DMRT3: variants seen among roughly 807,000 people sequenced by gnomAD.
DMRT3 encodes doublesex and mab-3 related transcription factor 3, also known as doublesex- and mab-3-related transcription factor 3.
In DMRT3, 29 loss-of-function variants were observed where a neutral mutation model predicts 34.9. The observed-to-expected ratio is 0.83, with a 90% CI of 0.62 to 1.13. DMRT3 has a LOEUF of 1.13. Among genes scored for constraint, DMRT3 ranks in the 50% most tolerant of loss-of-function variants. The pLI, the probability that DMRT3 is intolerant of heterozygous loss-of-function variation, is 0.00. For synonymous variants in DMRT3, 350 were observed against 286.0 expected (o/e 1.22, Z -2.26); for missense variants, 772 against 629.1 (o/e 1.23, Z -2.43).
chr9:978,447 T>A (rs1820178925), intron 1 of DMRT3, among the ~76,000 whole-genome samples: 1 of 152,226 alleles, frequency 6.6e-6, no homozygotes, highest in South Asian at 2.1e-4. Flanking sequence ...ACAGCCCACC[T>A]TCTCCCGGAA....
At position 990,414 on chromosome 9, in the gene DMRT3, G is replaced by C. The variant is rs1233617895; in HGVS notation, c.828G>C (p.Gly276=). ...VLELILKGCG[G]DLVSAVEVLL... is the part of the protein sequence containing the mutation. ...AGCTCATCCTCAAGGGCTGTGGCGG[G>C]GACCTGGTGAGCGCCGTGGAAGTCC... is the stretch of plus-strand genomic sequence containing the variant. Residue 276 remains glycine, a synonymous_variant, in exon 2 of 2, where the codon GGG becomes GGC. Transcript: ENST00000190165. 2 of 1,614,078 alleles carry C rather than the reference G, an allele frequency of 1.2e-6. No individual in the cohort carries two copies. Among genetic ancestry groups the C allele is most frequent in the South Asian group, 2.2e-5 (2 of 91,076 alleles).
chr9:978,624 C>T (rs577807233), intron 1 of DMRT3, among the ~76,000 whole-genome samples: 1 of 152,176 alleles, frequency 6.6e-6, no homozygotes. Context: ...TCCTGTGGAG[C>T]TGAGGAAGTG....
chr9:987,412 CTGTGTGTGTGTGTGTGTGTGTGTGTG>C lies in DMRT3; in HGVS notation c.455-2609_455-2584del, dbSNP rs6150885. ...CTTTTTAAGGCTGAATAATATCCCA[CTGTGTGTGTGTGTGTGTGTGTGTGTG>C]TGTGTGTGTGTGTGTGTGTACACCA... On this transcript the variant is annotated intron_variant, in intron 1 of 1. Transcript: ENST00000190165. 8.9e-3 allele frequency among the ~76,000 whole-genome samples: 1,325 copies of C among 149,616 alleles called. 15 individuals are homozygous for C. Among genetic ancestry groups the C allele is most frequent in the African/African-American group, 0.03 (1,196 of 40,524 alleles).
In DMRT3 at chr9:977,212, C is replaced by G; in HGVS notation, c.211C>G (p.Gln71Glu). 6.2e-7 allele frequency: 1 copy of G among 1,605,558 alleles called. No homozygotes were observed. Among genetic ancestry groups the G allele is most frequent in the African/African-American group, 1.3e-5 (1 of 74,350 alleles). ...CGAGCGGCAGCGGGTCATGGCTGCGCAGGTGGCGCTGCGCCGGCAGCAGGC... is the reference window on the plus strand; with the variant it reads ...CGAGCGGCAGCGGGTCATGGCTGCGGAGGTGGCGCTGCGCCGGCAGCAGGC... ...IIERQRVMAA[Q>E]VALRRQQANE... The change falls in exon 1 of 2, where the codon CAG becomes GAG. Residue 71 changes from glutamine to glutamate, a missense_variant. Physicochemically the swap from Gln to Glu is conservative, Grantham distance 29 (BLOSUM62 2). Transcript: ENST00000190165.
rs1196804898 is a variant in DMRT3, at chr9:976,907, G to A, written c.-95G>A. 5.3e-6 allele frequency: 7 copies of A among 1,311,224 alleles called. No homozygotes were observed. Among genetic ancestry groups the A allele is most frequent in the Non-Finnish European group, 6.9e-6 (7 of 1,019,392 alleles). 81.2% of individuals were successfully genotyped at this position (1,311,224 alleles called of 1,614,324 possible). Reference sequence around the variant, plus strand: ...GCGGGACCAAGGGCCGCGTCGCCCGGAGGCCGCCCCTGAGCGGGCCTCGCA... The same window carrying A: ...GCGGGACCAAGGGCCGCGTCGCCCGAAGGCCGCCCCTGAGCGGGCCTCGCA... On this transcript the variant is annotated 5_prime_UTR_variant, in exon 1 of 2. Transcript: ENST00000190165. The surrounding 1 kb of genome is among the most constrained non-coding windows in gnomAD (Gnocchi z 4.5).
At chr9:984,819 C>G (rs962039506) in intron 1 of DMRT3, among the ~76,000 whole-genome samples, 2 of 151,988 alleles carry the variant, frequency 1.3e-5, no homozygotes, top group Admixed American at 6.6e-5. Flanking sequence ...TAGACTTTCT[C>G]AAAGTATTTG....
At chr9:982,114 C>T (rs1281296139) in intron 1 of DMRT3, among the ~76,000 whole-genome samples, 1 of 152,232 alleles carries the variant, frequency 6.6e-6, no homozygotes, top group Non-Finnish European at 1.5e-5. Flanking sequence ...CTTAACTGGA[C>T]ATCCTGTTAT....
rs532543126 is a variant in DMRT3, at chr9:988,217, C to T, written c.455-1824C>T. 3.4e-4 allele frequency among the ~76,000 whole-genome samples: 51 copies of T among 152,096 alleles called. 1 individual carries two copies. In the South Asian group the frequency reaches 9.6e-3, roughly 29 times the overall value. On this transcript the variant is annotated intron_variant, in intron 1 of 1. Transcript: ENST00000190165. ...TGAAGATGGCTTCATATGTATGTGA[C>T]GCAAATGAACCTCTCATTGGAAACC...
intron 1 of DMRT3, among the ~76,000 whole-genome samples, chr9:987,442 G>C (rs1342292803): frequency 6.8e-6 from 1 of 147,068 alleles, no homozygotes; most frequent in East Asian, 1.9e-4. Context: ...GTGTGTGTGT[G>C]TGTGTGTGTG....
chr9:981,776 C>T (rs1006131418), intron 1 of DMRT3, among the ~76,000 whole-genome samples: 1 of 152,194 alleles, frequency 6.6e-6, no homozygotes, highest in African/African-American at 2.4e-5. Flanking sequence ...CGTCTCCTTG[C>T]ACCAGGGGGT....
At position 990,515 on chromosome 9, in the gene DMRT3, A is replaced by G. The variant is rs755774274; in HGVS notation, c.929A>G (p.Asn310Ser). ...AEPESLALPS[N>S]GHIFEHTLSS... ...CCTGAGAGTCTAGCGTTGCCCTCCA[A>G]TGGGCACATCTTTGAACACACCTTG... Residue 310 changes from asparagine to serine, a missense_variant, in exon 2 of 2, where the codon AAT becomes AGT. Coordinates refer to ENST00000190165, the MANE Select transcript of DMRT3 (RefSeq NM_021240.4). The G allele has an allele frequency of 1.6e-5, 26 of 1,613,920 alleles. No individual in the cohort carries two copies. In the African/African-American group the frequency reaches 2.4e-4, roughly 15 times the overall value.
Position 976,862 on chromosome 9 carries a change from CACACA to C in DMRT3, c.-139_-135del. The stretch of plus-strand genomic sequence containing the variant: ...TGCGGCACCTCCGGCCGCCCCGGAG[CACACA>C]CGACCACCGGGGCTGCGGGACCAAG... On this transcript the variant is annotated 5_prime_UTR_variant, in exon 1 of 2. Coordinates refer to ENST00000190165, the MANE Select transcript of DMRT3 (RefSeq NM_021240.4). This position sits in a 1 kb window ranked among gnomAD's most constrained non-coding sequence, Gnocchi z 4.5. 1.1e-6 allele frequency: 1 copy of C among 890,616 alleles called. No individual in the cohort carries two copies. The highest frequency in any genetic ancestry group is 1.5e-6 in the Non-Finnish European group (1 of 652,096). The allele number at this position is 890,616 out of a possible 1,614,324, so 55.2% of individuals were successfully genotyped here.
chr9:976,889 C>T lies in DMRT3; in HGVS notation c.-113C>T. 8.3e-7 allele frequency: 1 copy of T among 1,206,728 alleles called. No homozygotes were observed. Among genetic ancestry groups the T allele is most frequent in the Non-Finnish European group, 1.1e-6 (1 of 928,308 alleles). 74.8% of individuals were successfully genotyped at this position (1,206,728 alleles called of 1,614,324 possible). ...CACACGACCACCGGGGCTGCGGGACCAAGGGCCGCGTCGCCCGGAGGCCGC... is the reference window on the plus strand; with the variant it reads ...CACACGACCACCGGGGCTGCGGGACTAAGGGCCGCGTCGCCCGGAGGCCGC... On this transcript the variant is annotated 5_prime_UTR_variant, in exon 1 of 2. Coordinates refer to ENST00000190165, the MANE Select transcript of DMRT3 (RefSeq NM_021240.4). The surrounding 1 kb of genome is among the most constrained non-coding windows in gnomAD (Gnocchi z 4.5).
At chr9:979,038 CA>C (rs1236476461) in intron 1 of DMRT3, among the ~76,000 whole-genome samples, 1 of 152,060 alleles carries the variant, frequency 6.6e-6, no homozygotes, top group Non-Finnish European at 1.5e-5. Flanking sequence ...TTTCCATTTC[CA>C]GCTTCTCTGG....
At chr9:978,116 G>A (rs1449988089) in intron 1 of DMRT3, among the ~76,000 whole-genome samples, 4 of 152,222 alleles carry the variant, frequency 2.6e-5, no homozygotes, top group African/African-American at 4.8e-5. Context: ...CTTGTGAGCT[G>A]ATAGCGGGAA....
intron 1 of DMRT3, among the ~76,000 whole-genome samples, chr9:983,934 C>T (rs1290333653): frequency 2.7e-5 from 4 of 147,294 alleles, no homozygotes; most frequent in African/African-American, 1.0e-4. Context: ...TAACTTTTCA[C>T]AACCCTCCCC....
chr9:990,024 G>A lies in DMRT3; in HGVS notation c.455-17G>A. Reference sequence around the variant, plus strand: ...TGCACACCAGGAAAAGATTAACTCAGCTGTTCTGTTTTCCAGATTTGACTG... The same window carrying A: ...TGCACACCAGGAAAAGATTAACTCAACTGTTCTGTTTTCCAGATTTGACTG... On this transcript the variant is annotated splice_polypyrimidine_tract_variant and intron_variant, in intron 1 of 1. Transcript: ENST00000190165. 1 of 1,612,918 alleles carries A rather than the reference G, an allele frequency of 6.2e-7. No homozygotes were observed. Among genetic ancestry groups the A allele is most frequent in the South Asian group, 1.1e-5 (1 of 90,754 alleles).
chr9:979,841 A>C (rs75809511), intron 1 of DMRT3, among the ~76,000 whole-genome samples: 2,805 of 152,310 alleles, frequency 0.018, 59 homozygotes, highest in East Asian at 0.098. Flanking sequence ...ATAACATTCC[A>C]TATGTATTTA....
chr9:989,976 C>T (rs1285949420), intron 1 of DMRT3, 65 bp from the exon 2 acceptor site: 1 of 1,580,076 alleles, frequency 6.3e-7, no homozygotes, highest in East Asian at 2.2e-5. Flanking sequence ...CAGGTCTCTT[C>T]TGAGCACATC....
Sources: allele counts gnomAD v4.1 joint callset (sites outside exome capture counted in the v4.1 genomes callset), GRCh38; gene constraint gnomAD v4.1.1; non-coding constraint Gnocchi (gnomAD v3.1); transcripts MANE v1.5; gene names NCBI Gene and HGNC (gene_info 2026-07-23, HGNC 2026-07-21).